The following CDH3 variants were observed in gnomAD, a reference collection of about 807,000 sequenced individuals.
CDH3 encodes cadherin-3.
A neutral mutation model predicts 82.0 loss-of-function variants in CDH3; 54 were observed. That is an observed-to-expected ratio of 0.66 (90% CI 0.53 to 0.83). CDH3 has a LOEUF of 0.83. Ranked by LOEUF, CDH3 falls within the 40% of genes least tolerant of loss-of-function variation. The pLI, the probability that CDH3 is intolerant of heterozygous loss-of-function variation, is 0.00. For missense variants in CDH3, 1,054 were observed against 1,084.6 expected (o/e 0.97, Z 0.40); for synonymous variants, 446 against 437.9 (o/e 1.02, Z -0.23).
intron 2 of CDH3, among the ~76,000 whole-genome samples, chr16:68,661,175 G>T (rs1049675263): frequency 6.6e-6 from 1 of 152,074 alleles, no homozygotes; most frequent in Non-Finnish European, 1.5e-5. Context: ...TACATAAAAA[G>T]CAAAACTAAT....
chr16:68,646,537 A>AG (rs35005279), intron 2 of CDH3, among the ~76,000 whole-genome samples: 67,978 of 150,020 alleles, frequency 0.45, 17,095 homozygotes, highest in East Asian at 0.73. Context: ...CAAAAACCTG[A>AG]GGGGGTGGGC....
chr16:68,682,706 A>C (rs1426698814), intron 9 of CDH3, among the ~76,000 whole-genome samples: 1 of 152,198 alleles, frequency 6.6e-6, no homozygotes, highest in Admixed American at 6.5e-5. Flanking sequence ...TCACTGATTA[A>C]TTGAAGCACA....
At position 68,699,988 on chromosome 16, in the gene CDH3, T is replaced by G. The variant is rs1302798115; in HGVS notation, c.*1588T>G. 6.6e-6 allele frequency: 1 copy of G among 152,220 alleles called. No individual in the cohort carries two copies. The highest frequency in any genetic ancestry group is 1.9e-4 in the East Asian group (1 of 5,200). 9.4% of individuals were successfully genotyped at this position (152,220 alleles called of 1,614,324 possible). A position where few individuals can be genotyped will look rare whatever the true frequency, so the allele number is the denominator to read the frequency against. ...TTCCTCTAAATCCTCACAATCACCC[T>G]CTGAGGGGACTTTCTCCTTTAAAGA... is the stretch of plus-strand genomic sequence containing the variant. On this transcript the variant is annotated 3_prime_UTR_variant, in exon 16 of 16. Coordinates refer to ENST00000264012, the MANE Select transcript of CDH3 (RefSeq NM_001793.6).
chr16:68,666,876 G>T (rs1247312950), intron 2 of CDH3, among the ~76,000 whole-genome samples: 1 of 152,078 alleles, frequency 6.6e-6, no homozygotes, highest in African/African-American at 2.4e-5. Context: ...CTGTTCTGTT[G>T]AGAGTTAGGT....
intron 1 of CDH3, among the ~76,000 whole-genome samples, chr16:68,722,061 C>T (rs1035814024): frequency 6.6e-6 from 1 of 152,102 alleles, no homozygotes; most frequent in African/African-American, 2.4e-5. Flanking sequence ...TGCACTCCAA[C>T]CTGGGTGATA....
intron 2 of CDH3, among the ~76,000 whole-genome samples, chr16:68,649,754 C>T (rs1050143799): frequency 2.6e-5 from 4 of 152,012 alleles, no homozygotes; most frequent in African/African-American, 4.8e-5. Flanking sequence ...TACTGAGGGG[C>T]GAGGCGCGGT....
intron 2 of CDH3, among the ~76,000 whole-genome samples, chr16:68,657,511 C>G (rs1334308803): frequency 6.6e-6 from 1 of 152,166 alleles, no homozygotes; most frequent in Non-Finnish European, 1.5e-5. Flanking sequence ...AAGACTCTGT[C>G]TCAAAAAGCC....
At chr16:68,666,760 G>A (rs1960744498) in intron 2 of CDH3, among the ~76,000 whole-genome samples, 1 of 152,090 alleles carries the variant, frequency 6.6e-6, no homozygotes, top group Non-Finnish European at 1.5e-5. Flanking sequence ...TTTATGACCT[G>A]CTTTTTTCCC....
intron 2 of CDH3, among the ~76,000 whole-genome samples, chr16:68,672,137 G>C (rs1439654200): frequency 6.0e-5 from 9 of 150,096 alleles, no homozygotes; most frequent in African/African-American, 2.2e-4. Context: ...AGCCTGCAGT[G>C]AGCCGAGATT....
intron 1 of CDH3, among the ~76,000 whole-genome samples, chr16:68,713,179 T>C (rs1962051271): frequency 6.6e-6 from 1 of 152,174 alleles, no homozygotes; most frequent in African/African-American, 2.4e-5. Context: ...AATGTTGATC[T>C]ATCTCATACA....
intron 1 of CDH3, among the ~76,000 whole-genome samples, chr16:68,717,378 G>A (rs768868175): frequency 1.3e-5 from 2 of 152,192 alleles, no homozygotes; most frequent in Non-Finnish European, 2.9e-5. Flanking sequence ...TTATAAAATG[G>A]TATGGCCACA....
At chr16:68,651,564 G>A (rs2152089881) in intron 2 of CDH3, 1 of 495,900 alleles carries the variant, frequency 2.0e-6, no homozygotes, top group Non-Finnish European at 4.0e-6. Flanking sequence ...CTTAGTCTTG[G>A]CCTTCCCCGC....
intron 2 of CDH3, among the ~76,000 whole-genome samples, chr16:68,665,029 G>C (rs987469829): frequency 2.6e-5 from 4 of 152,124 alleles, no homozygotes; most frequent in African/African-American, 9.7e-5. Flanking sequence ...CTTATCTTAG[G>C]ATTCTGAATG....
At chr16:68,732,688 T>A in the CDH3 span, among the ~76,000 whole-genome samples, 1 of 152,138 alleles carries the variant, frequency 6.6e-6, no homozygotes, top group Non-Finnish European at 1.5e-5. Context: ...GTTGAGATGT[T>A]AGGAAAGCAA....
chr16:68,695,525 TC>T, intron 14 of CDH3, 140 bp downstream of exon 14: 1 of 923,880 alleles, frequency 1.1e-6, no homozygotes, highest in Non-Finnish European at 1.6e-6. Flanking sequence ...TCTAACATCC[TC>T]CAGCACTTCT....
intron 15 of CDH3, 52 bp downstream of exon 15, chr16:68,695,975 A>G (rs1490623221): frequency 1.9e-6 from 3 of 1,597,094 alleles, no homozygotes; most frequent in East Asian, 4.5e-5. Context: ...GCCCAGCACC[A>G]GCCACACAGG....
At chr16:68,652,745 C>T (rs867524268) in intron 2 of CDH3, among the ~76,000 whole-genome samples, 19 of 152,342 alleles carry the variant, frequency 1.2e-4, no homozygotes, top group South Asian at 8.3e-4. Flanking sequence ...AAGATAACCA[C>T]TCTTCTGACT....
downstream of CDH3, among the ~76,000 whole-genome samples, chr16:68,729,669 C>G (rs1962264059): frequency 6.6e-6 from 1 of 152,092 alleles, no homozygotes; most frequent in Non-Finnish European, 1.5e-5. Flanking sequence ...AGTCTCCTCT[C>G]TTGCCCGGCT....
At chr16:68,683,097 A>C (rs546694177) in intron 9 of CDH3, among the ~76,000 whole-genome samples, 26 of 152,176 alleles carry the variant, frequency 1.7e-4, no homozygotes, top group Middle Eastern at 3.4e-3. Flanking sequence ...AAAAAGAAAA[A>C]AATGAAGATG....
Sources: gnomAD v4.1 joint callset for allele counts (sites outside exome capture counted in the v4.1 genomes callset) on GRCh38, gnomAD v4.1.1 for gene constraint, MANE v1.5 for transcripts, NCBI Gene and HGNC (gene_info 2026-07-23, HGNC 2026-07-21) for gene names.